ACSL3: variants seen among roughly 807,000 people sequenced by gnomAD.
ACSL3 encodes fatty acid CoA ligase Acsl3.
In ACSL3, 34 loss-of-function variants were observed where a neutral mutation model predicts 84.7. That is an observed-to-expected ratio of 0.40 (90% CI 0.31 to 0.53). The LOEUF is 0.53. ACSL3 is among the 20% of genes least tolerant of loss of function. The probability of loss-of-function intolerance (pLI) is 0.48; values close to 1 mark genes in which losing one functional copy is unlikely to be tolerated. For missense variants in ACSL3, 680 were observed against 873.1 expected, an observed-to-expected ratio of 0.78 and a Z score of 2.79; for synonymous variants, 315 against 299.4, an observed-to-expected ratio of 1.05 and a Z score of -0.54.
At position 222,939,469 on chromosome 2, in the gene ACSL3, G is replaced by T. The variant is rs191141087; in HGVS notation, c.2006-2028G>T. 5.3e-5 allele frequency among the ~76,000 whole-genome samples: 8 copies of T among 152,302 alleles called. No individual in the cohort carries two copies. The East Asian group carries it at 1.5e-3, about 29-fold the overall frequency. On this transcript the variant is annotated intron_variant, in intron 16 of 16. Coordinates refer to ENST00000357430, the MANE Select transcript of ACSL3 (RefSeq NM_004457.5). The stretch of plus-strand genomic sequence containing the variant: ...GGTACTGGAGCTCTACCTAGTGTCT[G>T]TGATACTGCAGCCTCTGGTTCATGT...
chr2:222,891,744 TG>T (rs1695849759), intron 2 of ACSL3, among the ~76,000 whole-genome samples: 1 of 152,230 alleles, frequency 6.6e-6, no homozygotes, highest in Admixed American at 6.5e-5. Context: ...GATATATTCA[TG>T]GGAAAGACTT....
At chr2:222,937,044 G>A (rs767884637) in intron 16 of ACSL3, among the ~76,000 whole-genome samples, 2 of 152,134 alleles carry the variant, frequency 1.3e-5, no homozygotes, top group Non-Finnish European at 2.9e-5. Flanking sequence ...TTTGGGTGGG[G>A]ACCCAGAACT....
At chr2:222,934,283 A>G (rs1424535913) in intron 15 of ACSL3, among the ~76,000 whole-genome samples, 2 of 152,248 alleles carry the variant, frequency 1.3e-5, no homozygotes, top group African/African-American at 2.4e-5. Flanking sequence ...AGTTTTTCAT[A>G]GTTGAAATTC....
chr2:222,887,367 T>C lies in ACSL3; in HGVS notation c.-206-463T>C, dbSNP rs149855275. On this transcript the variant is annotated intron_variant, in intron 1 of 16. Transcript: ENST00000357430. ...GATTGCTTCCAGCTTTTGGCAATTATGAATCAAACTGCTATGGACATGCAT... is the reference window on the plus strand; with the variant it reads ...GATTGCTTCCAGCTTTTGGCAATTACGAATCAAACTGCTATGGACATGCAT... Among the ~76,000 whole-genome samples, 720 of 152,362 alleles carry C rather than the reference T, an allele frequency of 4.7e-3. 9 individuals are homozygous for C. The highest frequency in any genetic ancestry group is 0.016 in the African/African-American group (683 of 41,584).
chr2:222,933,377 A>T, intron 15 of ACSL3, 97 bp downstream of exon 15: 1 of 808,680 alleles, frequency 1.2e-6, no homozygotes, highest in Non-Finnish European at 1.9e-6. Flanking sequence ...ATGTTCCGAG[A>T]ACTCTTCCTA....
In ACSL3 at chr2:222,927,052, G is replaced by T; in HGVS notation, c.1328G>T (p.Gly443Val). ...VFRKVRSLLGGNIRLLLCGGA... is the reference protein window; with the variant it reads ...VFRKVRSLLGVNIRLLLCGGA... ...CGGAAAGTTCGAAGCTTGCTAGGGG[G>T]AAATATTCGTCTCCTGTTGTGTGGT... is the stretch of plus-strand genomic sequence containing the variant. The change falls in exon 12 of 17, where the codon GGA (glycine) becomes GTA (valine). Residue 443 changes from glycine to valine, a missense_variant. Transcript: ENST00000357430. 1 of 1,613,614 alleles carries T rather than the reference G, an allele frequency of 6.2e-7. No individual in the cohort carries two copies. The highest frequency in any genetic ancestry group is 8.5e-7 in the Non-Finnish European group (1 of 1,179,592).
chr2:222,931,651 A>ACC (rs757808798), intron 14 of ACSL3, among the ~76,000 whole-genome samples: 9 of 151,892 alleles, frequency 5.9e-5, no homozygotes, highest in African/African-American at 9.7e-5. Context: ...TGCCATGTTT[A>ACC]CCCCCTTAAA....
intron 2 of ACSL3, among the ~76,000 whole-genome samples, chr2:222,892,277 C>T (rs531369758): frequency 1.6e-4 from 24 of 152,126 alleles, no homozygotes; most frequent in African/African-American, 4.8e-4. Flanking sequence ...TGCTTTTTTT[C>T]GGGAGGGAGG....
intron 2 of ACSL3, among the ~76,000 whole-genome samples, chr2:222,888,904 C>T (rs921746151): frequency 7.9e-5 from 12 of 152,242 alleles, no homozygotes; most frequent in South Asian, 2.1e-4. Context: ...TCTGTGCCTG[C>T]GTCTCTTTGA....
chr2:222,929,796 G>T (rs187952845), intron 13 of ACSL3, among the ~76,000 whole-genome samples: 23 of 130,332 alleles, frequency 1.8e-4, no homozygotes, highest in African/African-American at 3.6e-4. Context: ...AATAAATAAA[G>T]AAAGATTCTA....
chr2:222,862,172 G>A (rs1206280091), intron 1 of ACSL3, among the ~76,000 whole-genome samples: 1 of 152,216 alleles, frequency 6.6e-6, no homozygotes, highest in Non-Finnish European at 1.5e-5. Context: ...TTTATTACAT[G>A]CCACGCACTG....
intron 2 of ACSL3, among the ~76,000 whole-genome samples, chr2:222,899,193 T>C (rs944668009): frequency 2.0e-5 from 3 of 152,200 alleles, no homozygotes; most frequent in African/African-American, 7.2e-5. Context: ...AGCTGAGGCC[T>C]TTTAAAACTA....
chr2:222,891,740 T>G (rs1047645512), intron 2 of ACSL3, among the ~76,000 whole-genome samples: 3 of 152,236 alleles, frequency 2.0e-5, no homozygotes, highest in African/African-American at 4.8e-5. Flanking sequence ...TGTAGATATA[T>G]TCATGGGAAA....
chr2:222,887,613 C>T (rs772805627), intron 1 of ACSL3, among the ~76,000 whole-genome samples: 1 of 152,118 alleles, frequency 6.6e-6, no homozygotes, highest in African/African-American at 2.4e-5. Flanking sequence ...GGCATTCTTA[C>T]TGGTGTGTAG....
In ACSL3 at chr2:222,883,646, T is replaced by C. The variant is rs150586193; in HGVS notation, c.-206-4184T>C. On this transcript the variant is annotated intron_variant, in intron 1 of 16. Coordinates refer to ENST00000357430, the MANE Select transcript of ACSL3 (RefSeq NM_004457.5). ...TCAGCTCTGGGATATTATATTGCAG[T>C]GTGCTTTAGGAATTTCTGCTTGCAA... Among the ~76,000 whole-genome samples, 941 of 152,326 alleles carry C rather than the reference T, an allele frequency of 6.2e-3. 10 individuals carry two copies. The highest frequency in any genetic ancestry group is 0.021 in the African/African-American group (891 of 41,564).
intron 11 of ACSL3, 139 bp from the exon 12 acceptor site, chr2:222,926,876 ACT>A (rs1476479654): frequency 8.7e-6 from 7 of 800,842 alleles, no homozygotes; most frequent in East Asian, 2.7e-5. Flanking sequence ...GGCTCAAGAG[ACT>A]CTCCAAATTG....
At chr2:222,884,828 C>CA (rs1328876588) in intron 1 of ACSL3, among the ~76,000 whole-genome samples, 3 of 152,168 alleles carry the variant, frequency 2.0e-5, no homozygotes, top group Non-Finnish European at 4.4e-5. Context: ...TTCGCGTTTA[C>CA]AAATAATTGT....
intron 4 of ACSL3, among the ~76,000 whole-genome samples, chr2:222,910,582 C>G (rs1343322130): frequency 6.6e-6 from 1 of 152,166 alleles, no homozygotes; most frequent in African/African-American, 2.4e-5. Context: ...GCCACTTAAA[C>G]AAATTTCATA....
chr2:222,922,952 C>G (rs2106130915), intron 9 of ACSL3, 121 bp downstream of exon 9: 4 of 1,403,860 alleles, frequency 2.8e-6, no homozygotes, highest in Middle Eastern at 3.9e-4. Flanking sequence ...GAGCTTTAGC[C>G]TTTTAAGTGC....
Sources: gnomAD v4.1 joint callset for allele counts (sites outside exome capture counted in the v4.1 genomes callset) on GRCh38, gnomAD v4.1.1 for gene constraint, MANE v1.5 for transcripts, NCBI Gene and HGNC (gene_info 2026-07-23, HGNC 2026-07-21) for gene names.